Variants in ADGRV1 observed in about 807,000 individuals in gnomAD.
The protein encoded by ADGRV1 is G-protein coupled receptor 98.
In ADGRV1, 359 loss-of-function variants were observed where a neutral mutation model predicts 596.2. The ratio of observed to expected loss-of-function variants is 0.60; its 90% CI spans 0.55 to 0.66. The LOEUF (loss-of-function observed/expected upper bound fraction) is 0.66. ADGRV1 is among the 30% of genes least tolerant of loss of function. ADGRV1 has a pLI of 0.00. For missense variants in ADGRV1, 7,274 were observed against 7,575.6 expected (o/e 0.96, Z 1.48); for synonymous variants, 2,681 against 2,679.2 (o/e 1.00, Z -0.02).
At chr5:90,686,654 G>A (rs1745692765) in intron 29 of ADGRV1, among the ~76,000 whole-genome samples, 1 of 152,114 alleles carries the variant, frequency 6.6e-6, no homozygotes, top group South Asian at 2.1e-4. Context: ...TTGCTATTGT[G>A]AATAGTGCCG....
intron 11 of ADGRV1, 47 bp downstream of exon 11, chr5:90,637,995 C>T: frequency 3.8e-6 from 5 of 1,322,954 alleles, no homozygotes; most frequent in South Asian, 2.8e-5. Flanking sequence ...TGTTTGAGTT[C>T]TCTTCAATAA....
intron 87 of ADGRV1, among the ~76,000 whole-genome samples, chr5:91,106,043 T>C (rs1158069060): frequency 6.6e-6 from 1 of 151,952 alleles, no homozygotes; most frequent in Non-Finnish European, 1.5e-5. Flanking sequence ...ATTTATAAAA[T>C]TATAAAGTGA....
intron 87 of ADGRV1, among the ~76,000 whole-genome samples, chr5:91,125,425 G>A (rs1212715614): frequency 6.6e-6 from 1 of 152,152 alleles, no homozygotes; most frequent in Non-Finnish European, 1.5e-5. Flanking sequence ...GCTACAGTCT[G>A]GAGCATCACA....
At chr5:90,954,432 A>G (rs1581619208) in intron 83 of ADGRV1, among the ~76,000 whole-genome samples, 1 of 152,130 alleles carries the variant, frequency 6.6e-6, no homozygotes, top group Non-Finnish European at 1.5e-5. Flanking sequence ...GGCATGCCAT[A>G]CTATCAAACC....
chr5:91,143,407 TG>T (rs1795267340), intron 87 of ADGRV1, among the ~76,000 whole-genome samples: 1 of 151,934 alleles, frequency 6.6e-6, no homozygotes, highest in African/African-American at 2.4e-5. Flanking sequence ...TGCAGACAAG[TG>T]GGAGATGAGA....
chr5:90,811,065 A>G lies in ADGRV1; in HGVS notation c.15805A>G (p.Met5269Val). Residue 5269 changes from methionine (M) to valine (V), a missense_variant, in exon 74 of 90, where the codon ATG becomes GTG. Physicochemically the swap from Met to Val is conservative, Grantham distance 21 (BLOSUM62 1). Around this residue, in one of 5 missense-constraint regions of ADGRV1, gnomAD observed 1,874 missense variants for 1,970.2 expected, o/e 0.95. Coordinates refer to ENST00000405460, the MANE Select transcript of ADGRV1 (RefSeq NM_032119.4). ...VKTFGERCAQMEPNALPFRGI... is the reference protein window; with the variant it reads ...VKTFGERCAQVEPNALPFRGI... ...AACTTTCGGTGAAAGATGTGCTCAG[A>G]TGGAACCAAATGCATTGCCCTTTCG... The G allele has an allele frequency of 6.2e-7, 1 of 1,614,026 alleles. No individual in the cohort carries two copies. Among genetic ancestry groups the G allele is most frequent in the Non-Finnish European group, 8.5e-7 (1 of 1,179,866 alleles).
At chr5:90,776,619 A>G in intron 61 of ADGRV1, 43 bp downstream of exon 61, 1 of 1,595,990 alleles carries the variant, frequency 6.3e-7, no homozygotes. Context: ...GGGGGTTACG[A>G]AGTTTTATTT....
chr5:91,135,979 A>C (rs1396186194), intron 87 of ADGRV1, among the ~76,000 whole-genome samples: 1 of 152,128 alleles, frequency 6.6e-6, no homozygotes, highest in African/African-American at 2.4e-5. Context: ...GGGAACCACA[A>C]GTCCACGGGG....
In ADGRV1 at chr5:90,686,020, G is replaced by A. The variant is rs1263023201; in HGVS notation, c.6490+25G>A. On this transcript the variant is annotated intron_variant, in intron 29 of 89. Coordinates refer to ENST00000405460, the MANE Select transcript of ADGRV1 (RefSeq NM_032119.4). ...GGTAAGAAAAGACATCTAAAAAGCA[G>A]TACATACAGAGGGATGTAAGCACAG... 4.0e-6 allele frequency: 6 copies of A among 1,489,364 alleles called. No homozygotes were observed. In the East Asian group the frequency reaches 1.2e-4, roughly 30 times the overall value. The allele number at this position is 1,489,364 out of a possible 1,614,324, so 92.3% of individuals were successfully genotyped here.
At chr5:90,596,304 G>A (rs1182297009) in intron 1 of ADGRV1, among the ~76,000 whole-genome samples, 1 of 151,440 alleles carries the variant, frequency 6.6e-6, no homozygotes, top group East Asian at 2.0e-4. Flanking sequence ...TCACTTTCCA[G>A]ACTGGGCAAC....
intron 85 of ADGRV1, among the ~76,000 whole-genome samples, chr5:91,056,778 A>G (rs894883120): frequency 1.2e-4 from 18 of 152,132 alleles, no homozygotes; most frequent in African/African-American, 4.3e-4. Context: ...TGCTCTGTAC[A>G]TATGTTAGCC....
Position 90,654,271 on chromosome 5 carries a change from G to T in ADGRV1, c.4378+319G>T, listed in dbSNP as rs16868939. On this transcript the variant is annotated intron_variant, in intron 20 of 89. Coordinates refer to ENST00000405460, the MANE Select transcript of ADGRV1 (RefSeq NM_032119.4). ...AGGAATGTTTGTCCTTCTGTGGGTAGTAGGAGAGATGGGGAGTGATATTCC... is the reference window on the plus strand; with the variant it reads ...AGGAATGTTTGTCCTTCTGTGGGTATTAGGAGAGATGGGGAGTGATATTCC... 2,240 of 343,354 alleles carry T rather than the reference G, an allele frequency of 6.5e-3. 38 individuals carry two copies. Among genetic ancestry groups the T allele is most frequent in the African/African-American group, 0.044 (2,082 of 47,274 alleles). 21.3% of individuals were successfully genotyped at this position (343,354 alleles called of 1,614,324 possible). A position where few individuals can be genotyped will look rare whatever the true frequency, so the allele number is the denominator to read the frequency against.
intron 82 of ADGRV1, among the ~76,000 whole-genome samples, chr5:90,861,361 T>G (rs570131415): frequency 1.3e-4 from 20 of 152,070 alleles, no homozygotes; most frequent in African/African-American, 2.4e-4. Context: ...CCAGGCTGGA[T>G]TGCAGTGGTG....
rs368755160 is a variant in ADGRV1, at chr5:90,737,680, T to C, written c.10550-7366T>C. 5.3e-5 allele frequency among the ~76,000 whole-genome samples: 8 copies of C among 152,136 alleles called. No homozygotes were observed. The East Asian group carries it at 5.8e-4, about 11-fold the overall frequency. On this transcript the variant is annotated intron_variant, in intron 50 of 89. Coordinates refer to ENST00000405460, the MANE Select transcript of ADGRV1 (RefSeq NM_032119.4). The stretch of plus-strand genomic sequence containing the variant: ...AATTTACCCTCTTGTTGTTATAGAA[T>C]GGTCTTCTTTGTCCCTTTTTATAGT...
At position 91,051,639 on chromosome 5, in the gene ADGRV1, C is replaced by T. The variant is rs186225260; in HGVS notation, c.18153-20808C>T. On this transcript the variant is annotated intron_variant, in intron 85 of 89. Transcript: ENST00000405460. ...TCGGCTCACTGCAAGCACCACCTGC[C>T]GGGTTCATGCCATTCTCCTGCCTCA... Among the ~76,000 whole-genome samples the T allele has an allele frequency of 9.4e-5, 14 of 149,626 alleles. No homozygotes were observed. In the East Asian group the frequency reaches 9.9e-4, roughly 11 times the overall value.
chr5:90,997,988 A>G (rs926413750), intron 85 of ADGRV1, among the ~76,000 whole-genome samples: 64 of 152,210 alleles, frequency 4.2e-4, no homozygotes, highest in African/African-American at 1.5e-3. Context: ...TTACATGTAA[A>G]CAATCAGACA....
At chr5:90,602,186 A>G (rs2152025528) in intron 1 of ADGRV1, among the ~76,000 whole-genome samples, 2 of 152,328 alleles carry the variant, frequency 1.3e-5, no homozygotes, top group East Asian at 3.9e-4. Context: ...CAGATTTACA[A>G]TACAACATCC....
chr5:90,630,468 A>G (rs1042646281), intron 9 of ADGRV1: 1 of 152,220 alleles, frequency 6.6e-6, no homozygotes, highest in South Asian at 2.1e-4. Context: ...TGGCCAAAGT[A>G]TAAAATATCT....
chr5:90,652,371 G>T lies in ADGRV1; in HGVS notation c.3442G>T (p.Gly1148Cys), dbSNP rs1266385680. 1.2e-6 allele frequency: 2 copies of T among 1,604,370 alleles called. No homozygotes were observed. Among genetic ancestry groups the T allele is most frequent in the Non-Finnish European group, 8.5e-7 (1 of 1,176,328 alleles). ...GATTTTGAGGCACCGAGGATACTTT[G>T]GTAGTGTTTCTGTATCTTGGCAGCT... ...FWILRHRGYF[G>C]SVSVSWQLFQ... is the part of the protein sequence containing the mutation. Residue 1148 changes from glycine to cysteine, a missense_variant, in exon 19 of 90, where the codon GGT becomes TGT. Transcript: ENST00000405460.
Sources: allele counts gnomAD v4.1 joint callset (sites outside exome capture counted in the v4.1 genomes callset), GRCh38; gene constraint gnomAD v4.1.1; regional missense constraint gnomAD v4.1.1; transcripts MANE v1.5; gene names NCBI Gene and HGNC (gene_info 2026-07-23, HGNC 2026-07-21).